The following GKAP1 variants were observed in gnomAD, a reference collection of about 807,000 sequenced individuals.
The protein encoded by GKAP1 is G kinase anchoring protein 1.
GKAP1 carries 31 observed loss-of-function variants against 56.7 expected under a neutral mutation model. That is an observed-to-expected ratio of 0.55 (90% confidence interval 0.41 to 0.74). The LOEUF is 0.74. Among genes scored for constraint, GKAP1 ranks in the 30% least tolerant of loss-of-function variants. The pLI, the probability that GKAP1 is intolerant of heterozygous loss-of-function variation, is 0.00. For synonymous variants in GKAP1, 151 were observed against 138.6 expected (o/e 1.09, Z -0.63); for missense variants, 364 against 402.3 (o/e 0.90, Z 0.82).
intron 8 of GKAP1, among the ~76,000 whole-genome samples, chr9:83,766,339 A>G (rs1175883501): frequency 6.6e-6 from 1 of 152,222 alleles, no homozygotes; most frequent in Non-Finnish European, 1.5e-5. Flanking sequence ...TCATAGCAGC[A>G]TGAGAATGGA....
chr9:83,804,441 T>C (rs1160875472), intron 3 of GKAP1, among the ~76,000 whole-genome samples: 2 of 88,320 alleles, frequency 2.3e-5, no homozygotes, highest in Non-Finnish European at 4.4e-5. Context: ...GTCCGGGAGG[T>C]GAGGGGCGCC....
At chr9:83,775,866 C>T (rs1407292029) in intron 7 of GKAP1, among the ~76,000 whole-genome samples, 1 of 99,596 alleles carries the variant, frequency 1.0e-5, no homozygotes, top group Non-Finnish European at 1.8e-5. Flanking sequence ...CACAGAGAGA[C>T]TCTGTCTCAA....
intron 6 of GKAP1, among the ~76,000 whole-genome samples, chr9:83,782,473 C>T (rs910200442): frequency 5.9e-5 from 9 of 151,800 alleles, no homozygotes; most frequent in African/African-American, 1.9e-4. Flanking sequence ...ATTCTCCTGC[C>T]TCAGCCTCCT....
intron 2 of GKAP1, among the ~76,000 whole-genome samples, chr9:83,815,484 C>T (rs530295399): frequency 6.6e-6 from 1 of 151,872 alleles, no homozygotes; most frequent in African/African-American, 2.4e-5. Flanking sequence ...GCCATTATGA[C>T]CTTATCCCTC....
chr9:83,816,503 G>A (rs1245760362), intron 2 of GKAP1, among the ~76,000 whole-genome samples: 1 of 152,234 alleles, frequency 6.6e-6, no homozygotes, highest in Admixed American at 6.5e-5. Flanking sequence ...CAGAATTGAA[G>A]CTACTATAGT....
rs557704287 is a variant in GKAP1, at chr9:83,805,158, G to A, written c.216+1144C>T. On this transcript the variant is annotated intron_variant, in intron 3 of 12. Coordinates refer to ENST00000376371, the MANE Select transcript of GKAP1 (RefSeq NM_025211.4). ...CTTCTGCCTTGGGATCCTGTTGATC[G>A]GTGACCTTACCCCCAACCCTGTGCT... is the stretch of plus-strand genomic sequence containing the variant. 1.1e-3 allele frequency among the ~76,000 whole-genome samples: 162 copies of A among 152,226 alleles called. 4 individuals are homozygous for A. The South Asian group carries it at 0.033, about 31-fold the overall frequency.
chr9:83,769,585 C>A (rs758895306), intron 7 of GKAP1, among the ~76,000 whole-genome samples: 16 of 152,160 alleles, frequency 1.1e-4, no homozygotes, highest in Non-Finnish European at 1.9e-4. Flanking sequence ...CTTTTTATTG[C>A]CAAATATCCC....
chr9:83,758,272 T>C (rs1030193368), intron 8 of GKAP1, among the ~76,000 whole-genome samples: 1 of 152,188 alleles, frequency 6.6e-6, no homozygotes, highest in Non-Finnish European at 1.5e-5. Flanking sequence ...CCATCAATTC[T>C]AAACAATGTT....
intron 7 of GKAP1, among the ~76,000 whole-genome samples, chr9:83,774,702 C>CTTTTT (rs1168792305): frequency 2.9e-5 from 3 of 104,900 alleles, no homozygotes; most frequent in African/African-American, 7.3e-5. Context: ...CAGAAACCCC[C>CTTTTT]TTTTTTTTTT....
chr9:83,745,152 T>A (rs1943271159), intron 10 of GKAP1, among the ~76,000 whole-genome samples: 1 of 152,102 alleles, frequency 6.6e-6, no homozygotes, highest in South Asian at 2.1e-4. Context: ...CACCTTAGCC[T>A]TCCAAGCAGC....
intron 7 of GKAP1, among the ~76,000 whole-genome samples, chr9:83,779,641 ATT>A (rs1943938525): frequency 7.3e-6 from 1 of 136,126 alleles, no homozygotes; most frequent in African/African-American, 2.9e-5. Context: ...ACACACACAC[ATT>A]CTAAAGTGAA....
intron 5 of GKAP1, among the ~76,000 whole-genome samples, chr9:83,786,585 T>C (rs761089802): frequency 1.3e-5 from 2 of 151,038 alleles, no homozygotes; most frequent in Non-Finnish European, 3.0e-5. Context: ...AAAAAGAAAA[T>C]GCCATCCCAA....
intron 4 of GKAP1, among the ~76,000 whole-genome samples, chr9:83,794,938 C>G (rs1375431309): frequency 6.6e-6 from 1 of 151,950 alleles, no homozygotes; most frequent in African/African-American, 2.4e-5. Context: ...GGAGGATCAT[C>G]TGAGGTCAGG....
intron 2 of GKAP1, among the ~76,000 whole-genome samples, chr9:83,815,696 G>A (rs1486284645): frequency 1.3e-5 from 2 of 151,862 alleles, no homozygotes; most frequent in Non-Finnish European, 2.9e-5. Context: ...CAATTAGCCT[G>A]ACCAAAAAAA....
chr9:83,815,573 A>AACAC (rs377376142), intron 2 of GKAP1, among the ~76,000 whole-genome samples: 2,663 of 149,394 alleles, frequency 0.018, 70 homozygotes, highest in African/African-American at 0.061. Context: ...AACTTCAGAA[A>AACAC]ACACACACAC....
chr9:83,803,885 G>A (rs1211946991), intron 3 of GKAP1, among the ~76,000 whole-genome samples: 1 of 149,822 alleles, frequency 6.7e-6, no homozygotes, highest in African/African-American at 2.5e-5. Flanking sequence ...CTGAGATGTG[G>A]GGAGCGCCTC....
chr9:83,753,335 T>C lies in GKAP1; in HGVS notation c.763A>G (p.Ile255Val), dbSNP rs752043202. The change falls in exon 9 of 13, where the codon ATT becomes GTT. Residue 255 changes from isoleucine to valine, a missense_variant. Physicochemically the swap from Ile to Val is conservative, Grantham distance 29. Transcript: ENST00000376371. The part of the protein sequence containing the change: ...NQEVVLKDGR[I>V]ERLKLELERK... The stretch of plus-strand genomic sequence containing the variant: ...TCAAGCTCTAACTTTAGTCTTTCAA[T>C]TCTTCCATCTTTCAGAACCACTTCC... 1.2e-6 allele frequency: 2 copies of C among 1,606,670 alleles called. No homozygotes were observed. Among genetic ancestry groups the C allele is most frequent in the Non-Finnish European group, 1.7e-6 (2 of 1,174,088 alleles).
chr9:83,775,345 T>TA (rs1436947987), intron 7 of GKAP1, among the ~76,000 whole-genome samples: 1 of 152,136 alleles, frequency 6.6e-6, no homozygotes, highest in Non-Finnish European at 1.5e-5. Context: ...TCGCCCTAGA[T>TA]ACAGCCATTT....
At chr9:83,769,390 TTCC>T (rs1943718974) in intron 7 of GKAP1, among the ~76,000 whole-genome samples, 2 of 152,152 alleles carry the variant, frequency 1.3e-5, no homozygotes, top group Non-Finnish European at 2.9e-5. Context: ...CACTCCCCAT[TTCC>T]TCCTAATACC....
Sources: gnomAD v4.1 joint callset for allele counts (sites outside exome capture counted in the v4.1 genomes callset) on GRCh38, gnomAD v4.1.1 for gene constraint, MANE v1.5 for transcripts, NCBI Gene and HGNC (gene_info 2026-07-23, HGNC 2026-07-21) for gene names.